ACAT1: variants seen among roughly 807,000 people sequenced by gnomAD.
ACAT1 encodes the protein acetyl-CoA acetyltransferase 1.
ACAT1 carries 28 observed loss-of-function variants against 47.3 expected under a neutral mutation model. The ratio of observed to expected loss-of-function variants is 0.59; its 90% CI spans 0.44 to 0.81. ACAT1 has a LOEUF of 0.81. ACAT1 is among the 30% of genes least tolerant of loss of function. ACAT1 has a pLI of 0.00. For missense variants in ACAT1, 469 were observed against 524.3 expected (o/e 0.89, Z 1.03); for synonymous variants, 181 against 173.6 (o/e 1.04, Z -0.34).
chr11:108,130,407 T>G (rs949028136), intron 1 of ACAT1, among the ~76,000 whole-genome samples: 1 of 151,980 alleles, frequency 6.6e-6, no homozygotes, highest in African/African-American at 2.4e-5. Context: ...TTAAATTTAT[T>G]ATCATTTTTT....
At chr11:108,144,271 T>TAA (rs1407750245) in intron 10 of ACAT1, 1 of 566,520 alleles carries the variant, frequency 1.8e-6, no homozygotes, top group African/African-American at 1.9e-5. Context: ...GTAGAACAGG[T>TAA]AAAACTACAC....
chr11:108,141,222 TCAAA>T, intron 7 of ACAT1, among the ~76,000 whole-genome samples: 1 of 151,528 alleles, frequency 6.6e-6, no homozygotes, highest in South Asian at 2.1e-4. Flanking sequence ...CAAGACCATT[TCAAA>T]CAAACAAAAT....
upstream of ACAT1, among the ~76,000 whole-genome samples, chr11:108,117,187 G>T (rs1246758821): frequency 2.0e-5 from 3 of 152,074 alleles, no homozygotes; most frequent in East Asian, 5.9e-4. Context: ...GGTGACACAC[G>T]TGTAGTCTTA....
intron 4 of ACAT1, 149 bp from the exon 5 acceptor site, chr11:108,134,993 A>AT: frequency 1.7e-6 from 1 of 573,146 alleles, no homozygotes; most frequent in Non-Finnish European, 3.1e-6. Flanking sequence ...AATGAAGGTT[A>AT]TTTAAGCTTA....
intron 7 of ACAT1, among the ~76,000 whole-genome samples, chr11:108,141,268 C>G (rs568282796): frequency 1.3e-5 from 2 of 149,372 alleles, no homozygotes; most frequent in African/African-American, 2.5e-5. Flanking sequence ...ACCTGTAGTC[C>G]CAGCTACTTG....
intron 1 of ACAT1, chr11:108,121,892 A>G (rs181157510): frequency 3.7e-5 from 22 of 598,994 alleles, no homozygotes; most frequent in African/African-American, 7.5e-5. Flanking sequence ...TCTACTTCCA[A>G]GGTCTCGGCG....
chr11:108,122,645 G>C (rs924086420), intron 1 of ACAT1, among the ~76,000 whole-genome samples: 3 of 152,218 alleles, frequency 2.0e-5, no homozygotes, highest in African/African-American at 7.2e-5. Context: ...ACCAGTCTAG[G>C]ACTTGACAAT....
chr11:108,135,123 T>G lies in ACAT1; in HGVS notation c.335-19T>G. 6.3e-7 allele frequency: 1 copy of G among 1,579,382 alleles called. No homozygotes were observed. Among genetic ancestry groups the G allele is most frequent in the Non-Finnish European group, 8.7e-7 (1 of 1,148,718 alleles). On this transcript the variant is annotated intron_variant, in intron 4 of 11. Transcript: ENST00000265838. ...TGTTTGAGTATCGGTTTTTCAAAAG[T>G]GACTTATATTGGTTTTAGGCTTACC...
chr11:108,147,409 G>T lies in ACAT1; in HGVS notation c.*19G>T. On this transcript the variant is annotated 3_prime_UTR_variant, in exon 12 of 12. Transcript: ENST00000265838. ...GCTGTAGACAACCTCTGCTATTTAAGGAGACAACCCTATGTGACCAGAAGG... is the reference window on the plus strand; with the variant it reads ...GCTGTAGACAACCTCTGCTATTTAATGAGACAACCCTATGTGACCAGAAGG... 1 of 1,612,590 alleles carries T rather than the reference G, an allele frequency of 6.2e-7. No individual in the cohort carries two copies. Among genetic ancestry groups the T allele is most frequent in the Non-Finnish European group, 8.5e-7 (1 of 1,179,348 alleles).
intron 2 of ACAT1, 80 bp downstream of exon 2, chr11:108,132,034 A>T: frequency 1.1e-6 from 1 of 886,648 alleles, no homozygotes; most frequent in Non-Finnish European, 1.8e-6. Context: ...TATGATTTGG[A>T]TACATGTGAA....
At chr11:108,132,087 T>TA in intron 2 of ACAT1, 133 bp downstream of exon 2, 3 of 546,212 alleles carry the variant, frequency 5.5e-6, no homozygotes, top group Non-Finnish European at 6.8e-6. Context: ...AGCTAACTAT[T>TA]CAAATATTCA....
chr11:108,138,521 C>G (rs1000682871), intron 5 of ACAT1, among the ~76,000 whole-genome samples: 4 of 151,986 alleles, frequency 2.6e-5, no homozygotes, highest in African/African-American at 9.7e-5. Flanking sequence ...CTTGGCCTCC[C>G]GAGTAGCTGG....
At chr11:108,136,935 C>G (rs1375529130) in intron 5 of ACAT1, 1 of 150,866 alleles carries the variant, frequency 6.6e-6, no homozygotes, top group Non-Finnish European at 1.5e-5. Context: ...CTGTTTTTAA[C>G]TAGCCCTTAT....
At chr11:108,136,170 T>G (rs780523780) in intron 5 of ACAT1, 7 of 585,982 alleles carry the variant, frequency 1.2e-5, no homozygotes, top group Middle Eastern at 2.6e-4. Context: ...TCTGAGCCCT[T>G]CATTTTTCAG....
At chr11:108,121,898 C>T in intron 1 of ACAT1, 7 of 594,814 alleles carry the variant, frequency 1.2e-5, no homozygotes, top group Admixed American at 2.9e-5. Flanking sequence ...TCCAAGGTCT[C>T]GGCGTAATCA....
upstream of ACAT1, chr11:108,121,406 C>T: frequency 1.6e-6 from 1 of 639,510 alleles, no homozygotes; most frequent in Non-Finnish European, 2.8e-6. Context: ...CTTCACTCGT[C>T]AACCTTTCCT....
At chr11:108,117,926 T>G (rs907805812), upstream of ACAT1, among the ~76,000 whole-genome samples, 1 of 152,210 alleles carries the variant, frequency 6.6e-6, no homozygotes, top group Non-Finnish European at 1.5e-5. Flanking sequence ...AATAATACTT[T>G]GCAAGACCTA....
intron 6 of ACAT1, 68 bp downstream of exon 6, chr11:108,139,109 G>A (rs753213254): frequency 7.6e-6 from 12 of 1,586,184 alleles, no homozygotes; most frequent in Non-Finnish European, 9.5e-6. Context: ...CTTACTCTAT[G>A]TACTTTACAA....
intron 6 of ACAT1, 28 bp downstream of exon 6, chr11:108,139,069 C>A: frequency 3.1e-6 from 5 of 1,612,584 alleles, no homozygotes; most frequent in South Asian, 1.1e-5. Flanking sequence ...TGGATAAATG[C>A]TATCTAATGT....
Sources: allele counts gnomAD v4.1 joint callset (sites outside exome capture counted in the v4.1 genomes callset), GRCh38; gene constraint gnomAD v4.1.1; transcripts MANE v1.5; gene names NCBI Gene and HGNC (gene_info 2026-07-23, HGNC 2026-07-21).